The following FAT1 variants were observed in gnomAD, a reference collection of about 807,000 sequenced individuals.
FAT1 encodes protocadherin Fat 1.
FAT1 carries 171 observed loss-of-function variants against 329.8 expected under a neutral mutation model. The observed-to-expected ratio is 0.52, with a 90% CI of 0.46 to 0.59. The LOEUF (loss-of-function observed/expected upper bound fraction) is 0.59, where lower values mean the gene tolerates loss of function less well. Ranked by LOEUF, FAT1 falls within the 20% of genes least tolerant of loss-of-function variation. FAT1 has a pLI of 0.00. For missense variants in FAT1, 5,672 were observed against 5,774.4 expected (o/e 0.98, Z 0.57); for synonymous variants, 2,233 against 2,228.6 (o/e 1.00, Z -0.06).
At chr4:186,642,879 C>T (rs1187611633) in intron 3 of FAT1, among the ~76,000 whole-genome samples, 3 of 152,168 alleles carry the variant, frequency 2.0e-5, no homozygotes, top group Non-Finnish European at 2.9e-5. Flanking sequence ...AGAGAAGCTT[C>T]GTGTCCCAGA....
chr4:186,588,677 A>C lies in FAT1; in HGVS notation c.13682T>G (p.Met4561Arg), dbSNP rs1738071776. The change falls in exon 27 of 27, where the codon ATG (methionine) becomes AGG (arginine). Residue 4561 changes from methionine to arginine, a missense_variant. Transcript: ENST00000441802. Reference protein sequence around the residue: ...ACCEVESEVMMSDYESGDDGH... With the variant: ...ACCEVESEVMRSDYESGDDGH... ...GTCGTCCCCGCTCTCATAGTCACTCATCATGACCTCGGACTCCACTTCGCA... is the reference window on the plus strand; with the variant it reads ...GTCGTCCCCGCTCTCATAGTCACTCCTCATGACCTCGGACTCCACTTCGCA... The C allele has an allele frequency of 6.2e-7, 1 of 1,613,946 alleles. No homozygotes were observed.
At chr4:186,610,965 T>C (rs938176860) in intron 14 of FAT1, among the ~76,000 whole-genome samples, 1 of 151,838 alleles carries the variant, frequency 6.6e-6, no homozygotes, top group Non-Finnish European at 1.5e-5. Flanking sequence ...TAATATATTA[T>C]CAGAAGCCCA....
At chr4:186,605,950 G>A in intron 17 of FAT1, 120 bp downstream of exon 17, 1 of 923,116 alleles carries the variant, frequency 1.1e-6, no homozygotes, top group East Asian at 2.5e-5. Context: ...GCGACTTCTT[G>A]AATTCTACGT....
intron 2 of FAT1, among the ~76,000 whole-genome samples, chr4:186,677,755 T>G (rs2126640496): frequency 6.6e-6 from 1 of 152,228 alleles, no homozygotes; most frequent in South Asian, 2.1e-4. Flanking sequence ...AGGAAACAAA[T>G]CTCATAAAGT....
chr4:186,631,678 C>T (rs1057333302), intron 7 of FAT1, among the ~76,000 whole-genome samples: 1 of 148,094 alleles, frequency 6.8e-6, no homozygotes, highest in African/African-American at 2.5e-5. Flanking sequence ...GCCCAGCTGA[C>T]TCCTCTGCTC....
chr4:186,672,915 C>A (rs1318297222), intron 2 of FAT1, among the ~76,000 whole-genome samples: 1 of 152,126 alleles, frequency 6.6e-6, no homozygotes, highest in African/African-American at 2.4e-5. Context: ...ATGCCGTTTT[C>A]CCAACATTTG....
chr4:186,618,882 TA>T lies in FAT1; in HGVS notation c.7703del (p.Leu2568Ter). The T allele has an allele frequency of 6.2e-7, 1 of 1,614,032 alleles. No homozygotes were observed. The highest frequency in any genetic ancestry group is 8.5e-7 in the Non-Finnish European group (1 of 1,179,894). On this transcript the variant is annotated frameshift_variant, in exon 10 of 27. Transcript: ENST00000441802. LOFTEE classifies it high-confidence loss of function. ...CTTTTCCTCCAGCATCCTTAGCCATTAAACGGACTGAGATCACTTTCTCCGC... is the reference window on the plus strand; with the variant it reads ...CTTTTCCTCCAGCATCCTTAGCCATTAACGGACTGAGATCACTTTCTCCGC... ...TPAEKVISVR[L>X]MAKDAGGKVA...
At chr4:186,597,226 T>A (rs2126396766) in intron 24 of FAT1, 55 bp from the exon 25 acceptor site, 3 of 1,474,000 alleles carry the variant, frequency 2.0e-6, no homozygotes, top group Non-Finnish European at 2.7e-6. Flanking sequence ...CCAGCGTATG[T>A]CAGGCTCAAT....
chr4:186,601,143 TA>T (rs1406514891), intron 21 of FAT1, 125 bp downstream of exon 21: 4 of 873,268 alleles, frequency 4.6e-6, no homozygotes, highest in Non-Finnish European at 6.7e-6. Flanking sequence ...ATCAATGAAT[TA>T]TTTAAATGTG....
In FAT1 at chr4:186,633,551, T is replaced by C. The variant is rs186964176; in HGVS notation, c.4323+133A>G. The C allele has an allele frequency of 3.3e-4, 267 of 805,332 alleles. 1 individual carries two copies. In the East Asian group the frequency reaches 6.3e-3, roughly 19 times the overall value. 49.9% of individuals were successfully genotyped at this position (805,332 alleles called of 1,614,324 possible). ...TCTTTCCCTAAATAAAAATTCTTAG[T>C]GTGCATGTGTGTAAACTTCTGATTT... is the stretch of plus-strand genomic sequence containing the variant. On this transcript the variant is annotated intron_variant, in intron 7 of 26. Transcript: ENST00000441802.
chr4:186,611,254 A>C, intron 14 of FAT1, 132 bp downstream of exon 14: 1 of 739,312 alleles, frequency 1.4e-6, no homozygotes, highest in Non-Finnish European at 2.1e-6. Context: ...AATAACTAAA[A>C]GAAAACTTGA....
At chr4:186,657,607 A>G (rs983150191) in intron 3 of FAT1, among the ~76,000 whole-genome samples, 1 of 152,164 alleles carries the variant, frequency 6.6e-6, no homozygotes, top group African/African-American at 2.4e-5. Flanking sequence ...AGCTTATCAA[A>G]TTGTAGACTT....
rs766976802 is a variant in FAT1, at chr4:186,636,651, G to C, written c.3906C>G (p.Ile1302Met). 1 of 1,613,852 alleles carries C rather than the reference G, an allele frequency of 6.2e-7. No individual in the cohort carries two copies. Among genetic ancestry groups the C allele is most frequent in the Admixed American group, 1.7e-5 (1 of 59,994 alleles). ...EDGNEHGKFF[I>M]EPKTGVVSSK... ...ACGAAACCACTCCAGTTTTCGGTTCGATGAAAAATTTGCCATGCTCATTCC... is the reference window on the plus strand; with the variant it reads ...ACGAAACCACTCCAGTTTTCGGTTCCATGAAAAATTTGCCATGCTCATTCC... Residue 1302 changes from isoleucine to methionine, a missense_variant, in exon 5 of 27, where the codon ATC (isoleucine) becomes ATG (methionine). Physicochemically the swap from Ile to Met is conservative, Grantham distance 10 (BLOSUM62 1). Coordinates refer to ENST00000441802, the MANE Select transcript of FAT1 (RefSeq NM_005245.4).
intron 2 of FAT1, among the ~76,000 whole-genome samples, chr4:186,667,284 G>C (rs1201135408): frequency 6.6e-6 from 1 of 152,168 alleles, no homozygotes; most frequent in Admixed American, 6.5e-5. Flanking sequence ...GTACAACCAG[G>C]GGGTGGGGGA....
At chr4:186,637,443 A>T (rs1740886057) in intron 4 of FAT1, among the ~76,000 whole-genome samples, 1 of 152,228 alleles carries the variant, frequency 6.6e-6, no homozygotes, top group African/African-American at 2.4e-5. Context: ...TTTTAATACC[A>T]GTAATCACCA....
Position 186,687,184 on chromosome 4 carries a change from T to G in FAT1, c.3265+19379A>C, listed in dbSNP as rs547044871. On this transcript the variant is annotated intron_variant, in intron 2 of 26. Transcript: ENST00000441802. ...AAGTTGGGTTATAAAAATCAGAATT[T>G]TTAAACACACAACCAGAACCACAGC... is the stretch of plus-strand genomic sequence containing the variant. Among the ~76,000 whole-genome samples, 9 of 152,300 alleles carry G rather than the reference T, an allele frequency of 5.9e-5. No individual in the cohort carries two copies. In the South Asian group the frequency reaches 1.9e-3, roughly 32 times the overall value.
chr4:186,633,914 ATCT>A (rs1740706522), intron 6 of FAT1, 91 bp from the exon 7 acceptor site: 1 of 1,387,564 alleles, frequency 7.2e-7, no homozygotes, highest in Non-Finnish European at 1.0e-6. Context: ...GCACTGAAAA[ATCT>A]TCTAATATAC....
Position 186,604,371 on chromosome 4 carries a change from T to G in FAT1, c.10548+6A>C. On this transcript the variant is annotated splice_donor_region_variant and intron_variant, in intron 18 of 26. Coordinates refer to ENST00000441802, the MANE Select transcript of FAT1 (RefSeq NM_005245.4). ...ACAACCAAACCACAAAGAAAGCCAT[T>G]CATACCTTCACCTGCAGTAAGTAAT... 6.2e-7 allele frequency: 1 copy of G among 1,609,712 alleles called. No homozygotes were observed. Among genetic ancestry groups the G allele is most frequent in the Non-Finnish European group, 8.5e-7 (1 of 1,177,788 alleles).
chr4:186,641,717 CAT>C (rs1741104521), intron 3 of FAT1, among the ~76,000 whole-genome samples: 1 of 152,164 alleles, frequency 6.6e-6, no homozygotes, highest in Non-Finnish European at 1.5e-5. Context: ...ACCAATTCCA[CAT>C]AAAAAGGCTG....
Sources: allele counts gnomAD v4.1 joint callset (sites outside exome capture counted in the v4.1 genomes callset), GRCh38; gene constraint gnomAD v4.1.1; transcripts MANE v1.5; gene names NCBI Gene and HGNC (gene_info 2026-07-23, HGNC 2026-07-21).